The following HSDL1 variants were observed in gnomAD, a reference collection of about 807,000 sequenced individuals.
The protein encoded by HSDL1 is hydroxysteroid dehydrogenase like 1, also known as inactive hydroxysteroid dehydrogenase-like protein 1.
In HSDL1, 29 loss-of-function variants were observed where a neutral mutation model predicts 31.5. The observed-to-expected ratio is 0.92, with a 90% CI of 0.69 to 1.26. The LOEUF (loss-of-function observed/expected upper bound fraction) is 1.26, where lower values mean the gene tolerates loss of function less well. Ranked by LOEUF, HSDL1 falls within the 50% of genes most tolerant of loss-of-function variation. The probability of loss-of-function intolerance (pLI) is 0.00; values close to 1 mark genes in which losing one functional copy is unlikely to be tolerated. For missense variants in HSDL1, 503 were observed against 416.6 expected (o/e 1.21, Z -1.81); for synonymous variants, 222 against 155.2 (o/e 1.43, Z -3.20).
intron 1 of HSDL1, among the ~76,000 whole-genome samples, chr16:84,140,064 T>C (rs976670757): frequency 2.6e-5 from 4 of 152,090 alleles, no homozygotes; most frequent in African/African-American, 7.2e-5. Flanking sequence ...TCCCTTCCTG[T>C]CCCTTCCCTT....
At position 84,131,169 on chromosome 16, in the gene HSDL1, A is replaced by G. The variant is rs771350308; in HGVS notation, c.153T>C (p.His51=). 55 of 1,614,180 alleles carry G rather than the reference A, an allele frequency of 3.4e-5. No individual in the cohort carries two copies. Among genetic ancestry groups the G allele is most frequent in the Non-Finnish European group, 4.5e-5 (53 of 1,180,026 alleles). The change falls in exon 3 of 6, where the codon CAT becomes CAC. Residue 51 remains histidine, a synonymous_variant. Transcript: ENST00000219439. ...CTCTGCTCCCCAGGCGGGGGATAAA[A>G]TGCAGCCTGATCAGGCTGTAAAAGT... ...ICDFYSLIRL[H]FIPRLGSRAD...
At chr16:84,138,349 G>T (rs1385321133) in intron 1 of HSDL1, among the ~76,000 whole-genome samples, 1 of 152,162 alleles carries the variant, frequency 6.6e-6, no homozygotes, top group Admixed American at 6.5e-5. Flanking sequence ...GGTCAAAGGG[G>T]TATAAACTTT....
chr16:84,139,962 T>C (rs527679808), intron 1 of HSDL1, among the ~76,000 whole-genome samples: 1 of 152,190 alleles, frequency 6.6e-6, no homozygotes, highest in African/African-American at 2.4e-5. Context: ...CCAAATCCTC[T>C]GTTCTTCCTG....
At chr16:84,129,054 GA>G (rs2086635944) in intron 5 of HSDL1, among the ~76,000 whole-genome samples, 1 of 152,038 alleles carries the variant, frequency 6.6e-6, no homozygotes, top group Non-Finnish European at 1.5e-5. Context: ...TTGAACTTTT[GA>G]AAATTCTTAA....
rs2086640083 is a variant in HSDL1, at chr16:84,129,469, T to C, written c.894+79A>G. 5.9e-6 allele frequency: 6 copies of C among 1,023,642 alleles called. No individual in the cohort carries two copies. In the East Asian group the frequency reaches 1.4e-4, roughly 24 times the overall value. The allele number at this position is 1,023,642 out of a possible 1,614,324, so 63.4% of individuals were successfully genotyped here. A position where few individuals can be genotyped will look rare whatever the true frequency, so the allele number is the denominator to read the frequency against. On this transcript the variant is annotated intron_variant, in intron 5 of 5. Coordinates refer to ENST00000219439, the MANE Select transcript of HSDL1 (RefSeq NM_031463.5). ...AGAATTTACAATTCTCATCTTAGGC[T>C]TTAATCAGATTTCTCTGTATCACTG... is the stretch of plus-strand genomic sequence containing the variant.
chr16:84,129,650 C>G lies in HSDL1; in HGVS notation c.792G>C (p.Arg264Ser). 1 of 1,614,172 alleles carries G rather than the reference C, an allele frequency of 6.2e-7. No individual in the cohort carries two copies. ...SMTAPSNFLH[R>S]CSWLVPSPKV... ...TTGGCGAAGGCACCAACCACGAGCACCTGTGCAGAAAGTTGCTGGGTGCTG... is the reference window on the plus strand; with the variant it reads ...TTGGCGAAGGCACCAACCACGAGCAGCTGTGCAGAAAGTTGCTGGGTGCTG... Residue 264 changes from arginine (R) to serine (S), a missense_variant, in exon 5 of 6, where the codon AGG becomes AGC. Arg to Ser is a moderately radical substitution (Grantham distance 110, BLOSUM62 -1). Transcript: ENST00000219439.
intron 2 of HSDL1, among the ~76,000 whole-genome samples, chr16:84,132,127 A>G (rs2151187983): frequency 6.6e-6 from 1 of 152,378 alleles, no homozygotes; most frequent in South Asian, 2.1e-4. Flanking sequence ...CTACAGAGAT[A>G]AACACAATAT....
chr16:84,130,685 T>A (rs536122261), intron 3 of HSDL1, among the ~76,000 whole-genome samples: 1 of 152,164 alleles, frequency 6.6e-6, no homozygotes, highest in African/African-American at 2.4e-5. Context: ...GGAGACACAG[T>A]AGGAATTTGT....
At chr16:84,127,037 C>A (rs1265634962) in intron 5 of HSDL1, among the ~76,000 whole-genome samples, 1 of 152,004 alleles carries the variant, frequency 6.6e-6, no homozygotes, top group Non-Finnish European at 1.5e-5. Flanking sequence ...GTAAACTGTT[C>A]GTGTTTTATA....
At chr16:84,132,707 C>T (rs1304444257) in intron 2 of HSDL1, among the ~76,000 whole-genome samples, 1 of 152,096 alleles carries the variant, frequency 6.6e-6, no homozygotes. Flanking sequence ...TCAGAGATAA[C>T]CCTGCAGAAG....
At chr16:84,140,964 G>A (rs543550454) in intron 1 of HSDL1, among the ~76,000 whole-genome samples, 2 of 152,024 alleles carry the variant, frequency 1.3e-5, no homozygotes, top group South Asian at 2.1e-4. Context: ...AGTGGTGGGC[G>A]CCTGTAGTCC....
At position 84,124,774 on chromosome 16, in the gene HSDL1, A is replaced by C. The variant is rs1304967409; in HGVS notation, c.895-46T>G. The C allele has an allele frequency of 2.3e-6, 3 of 1,305,328 alleles. No homozygotes were observed. The East Asian group carries it at 6.9e-5, about 30-fold the overall frequency. The allele number at this position is 1,305,328 out of a possible 1,614,324, so 80.9% of individuals were successfully genotyped here. A position where few individuals can be genotyped will look rare whatever the true frequency, so the allele number is the denominator to read the frequency against. On this transcript the variant is annotated intron_variant, in intron 5 of 5. Transcript: ENST00000219439. ...GGTTGTAAGGTTAGAACCCAAAATC[A>C]ACACTGAAGGAACAAGTACACAGAC...
In HSDL1 at chr16:84,131,034, T is replaced by C. The variant is rs949528790; in HGVS notation, c.220+68A>G. 8 of 1,268,942 alleles carry C rather than the reference T, an allele frequency of 6.3e-6. 1 individual carries two copies. The highest frequency in any genetic ancestry group is 2.2e-6 in the Non-Finnish European group (2 of 895,498). The allele number at this position is 1,268,942 out of a possible 1,614,324, so 78.6% of individuals were successfully genotyped here. A position where few individuals can be genotyped will look rare whatever the true frequency, so the allele number is the denominator to read the frequency against. The stretch of plus-strand genomic sequence containing the variant: ...GTTCCCATAAAAACACCACATTAAA[T>C]TCAATAGCTCCTTGAATAATGCATC... On this transcript the variant is annotated intron_variant, in intron 3 of 5. Transcript: ENST00000219439.
intron 1 of HSDL1, among the ~76,000 whole-genome samples, chr16:84,138,690 T>C (rs914342048): frequency 4.6e-5 from 7 of 152,212 alleles, no homozygotes; most frequent in Admixed American, 4.6e-4. Context: ...AACTAAAACA[T>C]CTGTGAACAA....
chr16:84,142,656 G>T (rs143581412), intron 1 of HSDL1, among the ~76,000 whole-genome samples: 7,537 of 151,856 alleles, frequency 0.05, 254 homozygotes, highest in Middle Eastern at 0.095. Flanking sequence ...ATATTGGCCA[G>T]GCTGGTCTTG....
chr16:84,124,980 C>G (rs1055418273), intron 5 of HSDL1: 1 of 173,646 alleles, frequency 5.8e-6, no homozygotes, highest in African/African-American at 4.1e-5. Flanking sequence ...AATCACAATA[C>G]ACACCAATCA....
chr16:84,137,845 A>G (rs1037995609), intron 1 of HSDL1, among the ~76,000 whole-genome samples: 1 of 152,256 alleles, frequency 6.6e-6, no homozygotes, highest in Non-Finnish European at 1.5e-5. Flanking sequence ...TAAGCCTAGA[A>G]GTCCACTTAG....
At chr16:84,140,199 T>G (rs2086753151) in intron 1 of HSDL1, among the ~76,000 whole-genome samples, 1 of 152,216 alleles carries the variant, frequency 6.6e-6, no homozygotes, top group Non-Finnish European at 1.5e-5. Context: ...GGTTTCTTGG[T>G]TGTCCAAGGA....
intron 1 of HSDL1, among the ~76,000 whole-genome samples, chr16:84,137,382 C>T (rs1030622352): frequency 6.6e-6 from 1 of 152,220 alleles, no homozygotes; most frequent in African/African-American, 2.4e-5. Context: ...TGTGCAGGCG[C>T]ACAGGCGTGA....
Sources: allele counts gnomAD v4.1 joint callset (sites outside exome capture counted in the v4.1 genomes callset), GRCh38; gene constraint gnomAD v4.1.1; transcripts MANE v1.5; gene names NCBI Gene and HGNC (gene_info 2026-07-23, HGNC 2026-07-21).